Variants in ZC3H6 observed in about 807,000 individuals in gnomAD.
The protein encoded by ZC3H6 is zinc finger CCCH-type containing 6, also known as zinc finger CCCH domain-containing protein 6.
A neutral mutation model predicts 107.7 loss-of-function variants in ZC3H6; 40 were observed. The ratio of observed to expected loss-of-function variants is 0.37; its 90% CI spans 0.29 to 0.48. The LOEUF (loss-of-function observed/expected upper bound fraction) is 0.48, where lower values mean the gene tolerates loss of function less well. Among genes scored for constraint, ZC3H6 ranks in the 20% least tolerant of loss-of-function variants. The probability of loss-of-function intolerance (pLI) is 0.98; values close to 1 mark genes in which losing one functional copy is unlikely to be tolerated. For missense variants in ZC3H6, 1,267 were observed against 1,410.4 expected (o/e 0.90, Z 1.63); for synonymous variants, 493 against 487.9 (o/e 1.01, Z -0.14).
chr2:112,290,251 T>A (rs1025602646), intron 1 of ZC3H6, among the ~76,000 whole-genome samples: 24 of 152,380 alleles, frequency 1.6e-4, no homozygotes, highest in African/African-American at 5.5e-4. Context: ...TATGACCCAG[T>A]GACACTGGCC....
chr2:112,278,761 A>G (rs545609392), intron 1 of ZC3H6, among the ~76,000 whole-genome samples: 5 of 152,362 alleles, frequency 3.3e-5, no homozygotes, highest in Admixed American at 6.5e-5. Context: ...GAGATTCTAA[A>G]TGTAAATGGA....
chr2:112,331,011 C>A lies in ZC3H6; in HGVS notation c.2093C>A (p.Thr698Lys). The A allele has an allele frequency of 6.7e-7, 1 of 1,493,568 alleles. No homozygotes were observed. The highest frequency in any genetic ancestry group is 8.9e-7 in the Non-Finnish European group (1 of 1,126,540). 92.5% of individuals were successfully genotyped at this position (1,493,568 alleles called of 1,614,324 possible). The change falls in exon 12 of 12, where the codon ACA becomes AAA. Residue 698 changes from threonine to lysine, a missense_variant. Physicochemically the swap from Thr to Lys is moderately conservative, Grantham distance 78. This residue lies in a region of ZC3H6 where 925 missense variants were observed against 1,025.7 expected (regional missense o/e 0.90). Coordinates refer to ENST00000409871, the MANE Select transcript of ZC3H6 (RefSeq NM_198581.3). ...AGTTTTTGTCTGCATTTAGATGATA[C>A]AGTTAACTGGTATTCCAGTAGTGAA... ...HRAPSKEEDD[T>K]VNWYSSSEEE...
rs1214646282 is a variant in ZC3H6, at chr2:112,277,345, G to A, written c.32+1319G>A. 7.9e-5 allele frequency among the ~76,000 whole-genome samples: 12 copies of A among 152,038 alleles called. No homozygotes were observed. The South Asian group carries it at 2.5e-3, about 32-fold the overall frequency. On this transcript the variant is annotated intron_variant, in intron 1 of 11. Coordinates refer to ENST00000409871, the MANE Select transcript of ZC3H6 (RefSeq NM_198581.3). ...GGTTGACTAATACCTTGCTCTTGAG[G>A]TATGGACAAACCAATGATGGGGTTT... is the stretch of plus-strand genomic sequence containing the variant.
chr2:112,299,094 G>A lies in ZC3H6; in HGVS notation c.33-755G>A, dbSNP rs1055864686. The stretch of plus-strand genomic sequence containing the variant: ...AGATTGAGACCATCCTGGCTAACAC[G>A]GTGAAACCCCGTCTCTACTAAAAAT... On this transcript the variant is annotated intron_variant, in intron 1 of 11. Coordinates refer to ENST00000409871, the MANE Select transcript of ZC3H6 (RefSeq NM_198581.3). 2.6e-5 allele frequency among the ~76,000 whole-genome samples: 4 copies of A among 151,966 alleles called. No homozygotes were observed. The South Asian group carries it at 8.3e-4, about 31-fold the overall frequency.
chr2:112,325,112 T>C lies in ZC3H6; in HGVS notation c.2001T>C (p.Ala667=). 1 of 1,614,024 alleles carries C rather than the reference T, an allele frequency of 6.2e-7. No individual in the cohort carries two copies. Among genetic ancestry groups the C allele is most frequent in the Admixed American group, 1.7e-5 (1 of 60,028 alleles). ...GCCTCCTCCCTGCAGTGCAAAGAGCTCTTTTTGTAAGACTTACTCAGAGAT... is the reference window on the plus strand; with the variant it reads ...GCCTCCTCCCTGCAGTGCAAAGAGCCCTTTTTGTAAGACTTACTCAGAGAT... ...VPGLLPAVQR[A]LFVRLTQRYQ... is the part of the protein sequence containing the mutation. Residue 667 remains alanine (A), a synonymous_variant, in exon 11 of 12, where the codon GCT becomes GCC. Coordinates refer to ENST00000409871, the MANE Select transcript of ZC3H6 (RefSeq NM_198581.3).
chr2:112,311,464 A>C (rs1676589662), intron 4 of ZC3H6, among the ~76,000 whole-genome samples: 1 of 152,226 alleles, frequency 6.6e-6, no homozygotes, highest in Admixed American at 6.5e-5. Flanking sequence ...TGATACCTAC[A>C]ATGTCTTCCT....
At chr2:112,303,135 G>T (rs987749122) in intron 2 of ZC3H6, 94 bp from the exon 3 acceptor site, 17 of 1,454,002 alleles carry the variant, frequency 1.2e-5, no homozygotes, top group African/African-American at 1.4e-5. Context: ...TAATCTACTG[G>T]TTGGTACCTC....
chr2:112,330,307 C>T (rs1249308459), intron 11 of ZC3H6, among the ~76,000 whole-genome samples: 3 of 152,092 alleles, frequency 2.0e-5, no homozygotes, highest in Non-Finnish European at 4.4e-5. Context: ...CCCACCTCGG[C>T]CTCCCAAAGT....
intron 4 of ZC3H6, among the ~76,000 whole-genome samples, chr2:112,310,716 T>C (rs1676576884): frequency 6.6e-6 from 1 of 152,208 alleles, no homozygotes; most frequent in Non-Finnish European, 1.5e-5. Flanking sequence ...CTATGGGTCA[T>C]GTAAGCCTCA....
intron 7 of ZC3H6, among the ~76,000 whole-genome samples, chr2:112,319,904 A>G (rs1241265207): frequency 1.3e-5 from 2 of 152,104 alleles, no homozygotes; most frequent in Non-Finnish European, 2.9e-5. Context: ...GTATGTATGT[A>G]TGAATGGATG....
intron 1 of ZC3H6, among the ~76,000 whole-genome samples, chr2:112,278,763 G>GT (rs1355196169): frequency 6.6e-6 from 1 of 152,194 alleles, no homozygotes; most frequent in Non-Finnish European, 1.5e-5. Context: ...GATTCTAAAT[G>GT]TAAATGGAAT....
chr2:112,317,227 C>G lies in ZC3H6; in HGVS notation c.871C>G (p.Gln291Glu), dbSNP rs375792649. The change falls in exon 7 of 12, where the codon CAG becomes GAG. Residue 291 changes from glutamine to glutamate, a missense_variant. Physicochemically the swap from Gln to Glu is conservative, Grantham distance 29 (BLOSUM62 2). This residue lies in a region of ZC3H6 where 337 missense variants were observed against 361.2 expected (regional missense o/e 0.93). Transcript: ENST00000409871. ...FLEGRCIKGD[Q>E]CKFDHDAELE... ...TTTTTTTTTTTGTGAATAGGGAGATCAGTGTAAATTTGATCATGATGCAGA... is the reference window on the plus strand; with the variant it reads ...TTTTTTTTTTTGTGAATAGGGAGATGAGTGTAAATTTGATCATGATGCAGA... The G allele has an allele frequency of 1.4e-4, 188 of 1,382,758 alleles. No homozygotes were observed. The East Asian group carries it at 4.3e-3, about 31-fold the overall frequency. 85.7% of individuals were successfully genotyped at this position (1,382,758 alleles called of 1,614,324 possible).
chr2:112,283,884 C>T (rs10165123), intron 1 of ZC3H6, among the ~76,000 whole-genome samples: 4,968 of 152,278 alleles, frequency 0.033, 105 homozygotes, highest in Middle Eastern at 0.11. Flanking sequence ...ATTCATCTGA[C>T]GTGACACTTG....
intron 1 of ZC3H6, among the ~76,000 whole-genome samples, chr2:112,284,305 A>G (rs1194891291): frequency 1.3e-5 from 2 of 152,240 alleles, no homozygotes; most frequent in Admixed American, 6.5e-5. Flanking sequence ...ATGAGTTGAC[A>G]TAGGAATTAC....
chr2:112,304,074 T>G (rs962297893), intron 3 of ZC3H6, among the ~76,000 whole-genome samples: 1 of 152,246 alleles, frequency 6.6e-6, no homozygotes, highest in Non-Finnish European at 1.5e-5. Context: ...TTACATTATT[T>G]ACATAATGCC....
intron 9 of ZC3H6, 150 bp from the exon 10 acceptor site, chr2:112,324,002 A>G (rs931415412): frequency 3.8e-6 from 3 of 783,692 alleles, no homozygotes; most frequent in South Asian, 5.8e-5. Flanking sequence ...GTTTCTACCT[A>G]TCGACGCTAT....
chr2:112,325,325 C>T, intron 11 of ZC3H6, 128 bp downstream of exon 11: 1 of 851,842 alleles, frequency 1.2e-6, no homozygotes, highest in South Asian at 1.8e-5. Flanking sequence ...GAAACCCCAT[C>T]TCTACTAAAA....
intron 11 of ZC3H6, among the ~76,000 whole-genome samples, chr2:112,328,303 G>A (rs1000516974): frequency 6.6e-6 from 1 of 152,054 alleles, no homozygotes; most frequent in Non-Finnish European, 1.5e-5. Flanking sequence ...CTCAGGATAG[G>A]TTTGGCTATT....
Position 112,331,467 on chromosome 2 carries a change from A to G in ZC3H6, c.2549A>G (p.Gln850Arg), listed in dbSNP as rs200307696. ...GATGCCTCACCTGGCATAATGCTCC[A>G]GGATCCAAGGTCACAATTGAGACAG... ...PLDASPGIML[Q>R]DPRSQLRQFS... Residue 850 changes from glutamine to arginine, a missense_variant, in exon 12 of 12, where the codon CAG becomes CGG. Physicochemically the swap from Gln to Arg is conservative, Grantham distance 43. Coordinates refer to ENST00000409871, the MANE Select transcript of ZC3H6 (RefSeq NM_198581.3). 5 of 1,614,002 alleles carry G rather than the reference A, an allele frequency of 3.1e-6. No individual in the cohort carries two copies. In the Admixed American group the frequency reaches 8.3e-5, roughly 27 times the overall value.
Sources: allele counts gnomAD v4.1 joint callset (sites outside exome capture counted in the v4.1 genomes callset), GRCh38; gene constraint gnomAD v4.1.1; regional missense constraint gnomAD v4.1.1; transcripts MANE v1.5; gene names NCBI Gene and HGNC (gene_info 2026-07-23, HGNC 2026-07-21).